The following RASIP1 variants were observed in gnomAD, a reference collection of about 807,000 sequenced individuals.
RASIP1 encodes ras-interacting protein 1.
A neutral mutation model predicts 85.3 loss-of-function variants in RASIP1; 20 were observed. The ratio of observed to expected loss-of-function variants is 0.23; its 90% confidence interval spans 0.17 to 0.34. The LOEUF (loss-of-function observed/expected upper bound fraction) is 0.34, where lower values mean the gene tolerates loss of function less well. Among genes scored for constraint, RASIP1 ranks in the 10% least tolerant of loss-of-function variants. RASIP1 has a pLI of 1.00. For missense variants in RASIP1, 1,170 were observed against 1,390.9 expected (o/e 0.84, Z 2.53); for synonymous variants, 617 against 647.1 (o/e 0.95, Z 0.71).
At chr19:48,725,274 C>T in intron 8 of RASIP1, 2 of 249,766 alleles carry the variant, frequency 8.0e-6, no homozygotes, top group Non-Finnish European at 1.6e-5. Flanking sequence ...ATCCTGAATT[C>T]CCAAAGGAAA....
chr19:48,721,419 G>C (rs1044143719), intron 11 of RASIP1, among the ~76,000 whole-genome samples: 3 of 152,086 alleles, frequency 2.0e-5, no homozygotes, highest in Admixed American at 2.0e-4. Context: ...ACGGGGGAAG[G>C]GGCTGGGTCC....
Position 48,735,878 on chromosome 19 carries a change from C to T in RASIP1, c.824-327G>A, listed in dbSNP as rs975347852. ...TGGCACGATCTCGGCTCACTGCAAC[C>T]TCTGCCTCCCAGGTTCAAGCAATTC... On this transcript the variant is annotated intron_variant, in intron 3 of 11. Transcript: ENST00000222145. Among the ~76,000 whole-genome samples, 3 of 151,804 alleles carry T rather than the reference C, an allele frequency of 2.0e-5. No homozygotes were observed. In the South Asian group the frequency reaches 6.2e-4, roughly 32 times the overall value.
chr19:48,740,351 C>A lies in RASIP1; in HGVS notation c.-4-65G>T. 6.6e-7 allele frequency: 1 copy of A among 1,515,958 alleles called. No individual in the cohort carries two copies. Among genetic ancestry groups the A allele is most frequent in the Non-Finnish European group, 8.8e-7 (1 of 1,132,232 alleles). 93.9% of individuals were successfully genotyped at this position (1,515,958 alleles called of 1,614,324 possible). A position where few individuals can be genotyped will look rare whatever the true frequency, so the allele number is the denominator to read the frequency against. On this transcript the variant is annotated intron_variant, in intron 1 of 11. Coordinates refer to ENST00000222145, the MANE Select transcript of RASIP1 (RefSeq NM_017805.3). This position sits in a 1 kb window ranked among gnomAD's most constrained non-coding sequence, Gnocchi z 5.5. ...CTTGTGGGGATGGGGTGGAGGGAACCTGGACTCCGAGTCAGAGGGAGGAGG... is the reference window on the plus strand; with the variant it reads ...CTTGTGGGGATGGGGTGGAGGGAACATGGACTCCGAGTCAGAGGGAGGAGG...
rs1343938966 is a variant in RASIP1, at chr19:48,720,635, C to T, written c.*163G>A. ...GCTCCCTGGCATTCACATCCTAAGC[C>T]CATGCTCCCACCGTCCCATCCGCTA... is the stretch of plus-strand genomic sequence containing the variant. On this transcript the variant is annotated 3_prime_UTR_variant, in exon 12 of 12. Transcript: ENST00000222145. 5.4e-6 allele frequency: 4 copies of T among 743,342 alleles called. No individual in the cohort carries two copies. Among genetic ancestry groups the T allele is most frequent in the Non-Finnish European group, 9.2e-6 (4 of 436,972 alleles). The allele number at this position is 743,342 out of a possible 1,614,324, so 46.0% of individuals were successfully genotyped here.
In RASIP1 at chr19:48,724,871, GGCC is replaced by G; in HGVS notation, c.2214_2216del (p.Ala739del). On this transcript the variant is annotated inframe_deletion, in exon 9 of 12. Transcript: ENST00000222145. The surrounding 1 kb of genome is among the most constrained non-coding windows in gnomAD (Gnocchi z 4.6). ...GGGTAGGTCTCAATCCTGGAGGCAT[GGCC>G]CCCAGCTCCGCGCCAGGCCCCGGCA... is the stretch of plus-strand genomic sequence containing the variant. 6.2e-7 allele frequency: 1 copy of G among 1,614,238 alleles called. No individual in the cohort carries two copies. Among genetic ancestry groups the G allele is most frequent in the Non-Finnish European group, 8.5e-7 (1 of 1,180,050 alleles).
chr19:48,730,142 C>T (rs1427878848), intron 4 of RASIP1, among the ~76,000 whole-genome samples: 1 of 151,810 alleles, frequency 6.6e-6, no homozygotes, highest in Non-Finnish European at 1.5e-5. Context: ...AACACCCATC[C>T]CGAAGACCGG....
At chr19:48,731,175 G>A (rs2033451006) in intron 4 of RASIP1, among the ~76,000 whole-genome samples, 2 of 152,226 alleles carry the variant, frequency 1.3e-5, no homozygotes, top group African/African-American at 4.8e-5. Context: ...TCGGGAGGCT[G>A]AGGCGGGAAA....
At position 48,720,722 on chromosome 19, in the gene RASIP1, C is replaced by A; in HGVS notation, c.*76G>T. On this transcript the variant is annotated 3_prime_UTR_variant, in exon 12 of 12. Coordinates refer to ENST00000222145, the MANE Select transcript of RASIP1 (RefSeq NM_017805.3). Reference sequence around the variant, plus strand: ...GATAAGAACTACAACTCCCAGAAAGCTTTGCGCTCAGGCGGGCTCCTGTCC... The same window carrying A: ...GATAAGAACTACAACTCCCAGAAAGATTTGCGCTCAGGCGGGCTCCTGTCC... The A allele has an allele frequency of 6.7e-7, 1 of 1,495,364 alleles. No homozygotes were observed. The allele number at this position is 1,495,364 out of a possible 1,614,324, so 92.6% of individuals were successfully genotyped here.
chr19:48,736,786 G>C (rs565889061), intron 3 of RASIP1, among the ~76,000 whole-genome samples: 7 of 152,324 alleles, frequency 4.6e-5, no homozygotes, highest in Middle Eastern at 3.4e-3. Context: ...TGTAATCCCA[G>C]TACTTTGGGA....
chr19:48,728,880 G>C (rs1265674959), intron 5 of RASIP1, 57 bp downstream of exon 5: 3 of 1,386,724 alleles, frequency 2.2e-6, no homozygotes. Flanking sequence ...GGGAAGGGAG[G>C]CTGGAGAAGG....
chr19:48,734,707 G>C (rs1017500747), intron 4 of RASIP1, among the ~76,000 whole-genome samples: 1 of 152,036 alleles, frequency 6.6e-6, no homozygotes, highest in Admixed American at 6.6e-5. Flanking sequence ...GGTTGGTCTT[G>C]AACTCCCAAC....
Position 48,738,790 on chromosome 19 carries a change from C to G in RASIP1, c.823+170G>C. The G allele has an allele frequency of 3.4e-6, 3 of 887,862 alleles. No homozygotes were observed. The highest frequency in any genetic ancestry group is 4.3e-6 in the Non-Finnish European group (3 of 689,760). The allele number at this position is 887,862 out of a possible 1,614,324, so 55.0% of individuals were successfully genotyped here. ...CCATCTGGCCGCCCCCGGCCCTGCT[C>G]TAGCTCTGCCTAGAGTCCAACACGC... On this transcript the variant is annotated intron_variant, in intron 3 of 11. Coordinates refer to ENST00000222145, the MANE Select transcript of RASIP1 (RefSeq NM_017805.3). This position sits in a 1 kb window ranked among gnomAD's most constrained non-coding sequence, Gnocchi z 4.0.
In RASIP1 at chr19:48,738,816, A is replaced by AC; in HGVS notation, c.823+143dup. 1 of 1,023,896 alleles carries AC rather than the reference A, an allele frequency of 9.8e-7. No individual in the cohort carries two copies. Among genetic ancestry groups the AC allele is most frequent in the Non-Finnish European group, 1.2e-6 (1 of 816,430 alleles). 63.4% of individuals were successfully genotyped at this position (1,023,896 alleles called of 1,614,324 possible). A position where few individuals can be genotyped will look rare whatever the true frequency, so the allele number is the denominator to read the frequency against. The stretch of plus-strand genomic sequence containing the variant: ...TAGCTCTGCCTAGAGTCCAACACGC[A>AC]CCGTCCAGTCCCCTCCCAGTCCCCT... On this transcript the variant is annotated intron_variant, in intron 3 of 11. Coordinates refer to ENST00000222145, the MANE Select transcript of RASIP1 (RefSeq NM_017805.3). The surrounding 1 kb of genome is among the most constrained non-coding windows in gnomAD (Gnocchi z 4.0).
intron 4 of RASIP1, among the ~76,000 whole-genome samples, chr19:48,734,875 A>G (rs2033540652): frequency 6.6e-6 from 1 of 152,170 alleles, no homozygotes; most frequent in South Asian, 2.1e-4. Context: ...TTGACCTCCC[A>G]AAGTGCTGGG....
At chr19:48,721,357 A>T (rs770030323) in intron 11 of RASIP1, among the ~76,000 whole-genome samples, 2 of 151,878 alleles carry the variant, frequency 1.3e-5, no homozygotes, top group Non-Finnish European at 2.9e-5. Context: ...TGGACTAGGG[A>T]TGCGAACCCC....
Position 48,735,378 on chromosome 19 carries a change from G to A in RASIP1, c.997C>T (p.Gln333Ter). The A allele has an allele frequency of 6.2e-7, 1 of 1,613,394 alleles. No individual in the cohort carries two copies. The highest frequency in any genetic ancestry group is 8.5e-7 in the Non-Finnish European group (1 of 1,179,868). ...TCCTGCTGCCGCCGCCGCCGCCCCT[G>A]AAGGCTAAGCTCCGACACGCTGCGC... ...LRRSVSELSL[Q>*]GRRRRQQERR... The change falls in exon 4 of 12, where the codon CAG becomes TAG. Residue 333 changes from glutamine to a stop codon, truncating the protein, a stop_gained. Transcript: ENST00000222145. LOFTEE classifies it high-confidence loss of function.
intron 3 of RASIP1, chr19:48,737,363 G>T: frequency 1.5e-6 from 1 of 646,760 alleles, no homozygotes; most frequent in Non-Finnish European, 1.9e-6. Flanking sequence ...GCGTTTAGAA[G>T]GCTCCCTGAG....
Position 48,729,380 on chromosome 19 carries a change from G to A in RASIP1, c.1390C>T (p.Leu464Phe). ...RGAPVTHNGCLLLREAELHPG... is the reference protein window; with the variant it reads ...RGAPVTHNGCFLLREAELHPG... The stretch of plus-strand genomic sequence containing the variant: ...TGCAGCTCAGCCTCCCGCAGCAGGA[G>A]GCACCCGTTGTGCGTGACTGGGGCG... The change falls in exon 5 of 12, where the codon CTC becomes TTC. Residue 464 changes from leucine to phenylalanine, a missense_variant. Leu to Phe is a conservative substitution (Grantham distance 22). Around this residue, in one of 4 missense-constraint regions of RASIP1, gnomAD observed 426 missense variants for 576.2 expected, o/e 0.74. Coordinates refer to ENST00000222145, the MANE Select transcript of RASIP1 (RefSeq NM_017805.3). The A allele has an allele frequency of 6.4e-7, 1 of 1,556,414 alleles. No individual in the cohort carries two copies. Among genetic ancestry groups the A allele is most frequent in the Non-Finnish European group, 8.7e-7 (1 of 1,150,482 alleles).
At chr19:48,727,356 C>T in intron 6 of RASIP1, 37 bp downstream of exon 6, 1 of 1,608,644 alleles carries the variant, frequency 6.2e-7, no homozygotes, top group Non-Finnish European at 8.5e-7. Context: ...CCAACCCCTG[C>T]ATCCCTCCAG....
Sources: gnomAD v4.1 joint callset for allele counts (sites outside exome capture counted in the v4.1 genomes callset) on GRCh38, gnomAD v4.1.1 for gene constraint, gnomAD v4.1.1 regional missense constraint, Gnocchi (gnomAD v3.1) non-coding constraint, MANE v1.5 for transcripts, NCBI Gene and HGNC (gene_info 2026-07-23, HGNC 2026-07-21) for gene names.